EGFLAM: variants seen among roughly 807,000 people sequenced by gnomAD.
EGFLAM encodes pikachurin.
Under a neutral mutation model 113.1 loss-of-function variants are expected in EGFLAM, and 79 were observed. The observed-to-expected ratio is 0.70, with a 90% CI of 0.58 to 0.84. The LOEUF is 0.84. EGFLAM is among the 40% of genes least tolerant of loss of function. EGFLAM has a pLI of 0.00. For synonymous variants in EGFLAM, 504 were observed against 487.6 expected, an observed-to-expected ratio of 1.03 and a Z score of -0.44; for missense variants, 1,265 against 1,291.6, an observed-to-expected ratio of 0.98 and a Z score of 0.32.
chr5:38,261,523 A>T (rs1270328533), intron 1 of EGFLAM, among the ~76,000 whole-genome samples: 1 of 152,142 alleles, frequency 6.6e-6, no homozygotes, highest in African/African-American at 2.4e-5. Flanking sequence ...TAAGCGGTGG[A>T]ATGGAAATTT....
intron 3 of EGFLAM, among the ~76,000 whole-genome samples, chr5:38,339,221 G>T (rs576990082): frequency 1.3e-5 from 2 of 151,510 alleles, no homozygotes; most frequent in African/African-American, 4.9e-5. Flanking sequence ...GGTCCAAATT[G>T]TTTATTTTTT....
At chr5:38,461,557 G>A (rs1288829317) in intron 20 of EGFLAM, among the ~76,000 whole-genome samples, 1 of 151,984 alleles carries the variant, frequency 6.6e-6, no homozygotes, top group African/African-American at 2.4e-5. Context: ...AGCTGTTGCG[G>A]GTTCTGCCTG....
intron 1 of EGFLAM, among the ~76,000 whole-genome samples, chr5:38,264,635 T>A (rs1757587572): frequency 6.6e-6 from 1 of 152,168 alleles, no homozygotes; most frequent in Non-Finnish European, 1.5e-5. Flanking sequence ...AGTTCCTCAC[T>A]TATAGCTCTC....
intron 6 of EGFLAM, among the ~76,000 whole-genome samples, chr5:38,380,676 G>T (rs1270130221): frequency 3.9e-5 from 6 of 152,154 alleles, no homozygotes; most frequent in South Asian, 2.1e-4. Flanking sequence ...TACATTCAGG[G>T]TGTCCTCCAT....
chr5:38,410,841 C>A (rs1405977980), intron 10 of EGFLAM, among the ~76,000 whole-genome samples: 1 of 152,100 alleles, frequency 6.6e-6, no homozygotes, highest in Admixed American at 6.5e-5. Flanking sequence ...AGCCTGAAGA[C>A]CTGGATTTTT....
At chr5:38,434,734 C>A (rs1051023721) in intron 15 of EGFLAM, among the ~76,000 whole-genome samples, 4 of 152,170 alleles carry the variant, frequency 2.6e-5, no homozygotes, top group Non-Finnish European at 4.4e-5. Context: ...AGAAGTGATT[C>A]TTTTCTCTTC....
intron 6 of EGFLAM, among the ~76,000 whole-genome samples, chr5:38,382,969 C>G (rs1462745233): frequency 6.6e-6 from 1 of 152,148 alleles, no homozygotes; most frequent in East Asian, 1.9e-4. Flanking sequence ...CAGGGGCATG[C>G]CAGCCACAGC....
In EGFLAM at chr5:38,409,071, C is replaced by T. The variant is rs1209764585; in HGVS notation, c.1316C>T (p.Ser439Phe). The change falls in exon 10 of 22, where the codon TCC becomes TTC. Residue 439 changes from serine (S) to phenylalanine (F), a missense_variant. Physicochemically the swap from Ser to Phe is radical, Grantham distance 155 (BLOSUM62 -2). Coordinates refer to ENST00000322350, the MANE Select transcript of EGFLAM (RefSeq NM_152403.4). ...ENEHGRGDFM[S>F]LAIIRRSLQF... The stretch of plus-strand genomic sequence containing the variant: ...GAACACGGGAGGGGGGATTTCATGT[C>T]CCTGGCTATCATCCGACGCTCCCTG... 1.3e-6 allele frequency: 2 copies of T among 1,591,476 alleles called. No individual in the cohort carries two copies. The highest frequency in any genetic ancestry group is 1.3e-5 in the African/African-American group (1 of 74,492).
intron 14 of EGFLAM, among the ~76,000 whole-genome samples, chr5:38,427,884 T>G (rs1400704985): frequency 1.3e-5 from 2 of 152,180 alleles, no homozygotes; most frequent in African/African-American, 4.8e-5. Flanking sequence ...TTTGCAGAAT[T>G]GGTGTAAGTA....
chr5:38,403,203 A>G (rs3110231), intron 6 of EGFLAM: 33,312 of 152,384 alleles, frequency 0.22, 4,154 homozygotes, highest in African/African-American at 0.34. Context: ...CCCTCTCCGC[A>G]GGGGATGTGT....
At position 38,455,502 on chromosome 5, in the gene EGFLAM, A is replaced by T. The variant is rs570945195; in HGVS notation, c.2688-2809A>T. Among the ~76,000 whole-genome samples, 20 of 152,308 alleles carry T rather than the reference A, an allele frequency of 1.3e-4. No individual in the cohort carries two copies. The South Asian group carries it at 3.9e-3, about 30-fold the overall frequency. On this transcript the variant is annotated intron_variant, in intron 19 of 21. Transcript: ENST00000322350. ...CTGAATCACTGTCACCCAGAACAAG[A>T]TATAGAACATGTCCACCACCCAAAA...
chr5:38,454,734 G>A (rs1392967003), intron 19 of EGFLAM, among the ~76,000 whole-genome samples: 1 of 152,148 alleles, frequency 6.6e-6, no homozygotes, highest in East Asian at 1.9e-4. Flanking sequence ...CAGGCTCAAA[G>A]CAGATGGAAG....
At chr5:38,285,106 T>C (rs1288701253) in intron 1 of EGFLAM, among the ~76,000 whole-genome samples, 14 of 152,158 alleles carry the variant, frequency 9.2e-5, no homozygotes, top group African/African-American at 3.1e-4. Flanking sequence ...TTCACGTAGA[T>C]TTTATTATAT....
At chr5:38,342,951 C>T (rs2162814) in intron 3 of EGFLAM, among the ~76,000 whole-genome samples, 79,924 of 151,962 alleles carry the variant, frequency 0.53, 22,540 homozygotes, top group Admixed American at 0.62. Context: ...CTGTCCCCGG[C>T]GATGCACCAC....
intron 17 of EGFLAM, chr5:38,445,538 AG>A: frequency 6.4e-7 from 1 of 1,572,428 alleles, no homozygotes; most frequent in Non-Finnish European, 8.6e-7. Context: ...ATTCCCTAAG[AG>A]GACGTTCTGG....
Position 38,436,963 on chromosome 5 carries a change from T to C in EGFLAM, c.2284-1312T>C, listed in dbSNP as rs564835577. Among the ~76,000 whole-genome samples the C allele has an allele frequency of 6.6e-5, 10 of 152,226 alleles. No individual in the cohort carries two copies. The South Asian group carries it at 2.1e-3, about 32-fold the overall frequency. On this transcript the variant is annotated intron_variant, in intron 16 of 21. Coordinates refer to ENST00000322350, the MANE Select transcript of EGFLAM (RefSeq NM_152403.4). ...CTTAGATTCGTGGCAGGAAGTGCCA[T>C]TGCTAACCTCTTATAACCCCTGGGC...
chr5:38,451,165 C>G (rs1048101391), intron 18 of EGFLAM, 150 bp from the exon 19 acceptor site: 17 of 1,031,056 alleles, frequency 1.6e-5, no homozygotes, highest in Non-Finnish European at 2.3e-5. Context: ...CCTTTAGACC[C>G]GTGGTGCGAC....
At chr5:38,427,281 T>A (rs759192504) in intron 14 of EGFLAM, 29 bp downstream of exon 14, 1 of 1,604,238 alleles carries the variant, frequency 6.2e-7, no homozygotes, top group Non-Finnish European at 8.5e-7. Context: ...TGGGACTCTT[T>A]CCCTTAAAAA....
At chr5:38,407,758 G>A (rs1561073743) in intron 8 of EGFLAM, 47 bp from the exon 9 acceptor site, 1 of 1,452,658 alleles carries the variant, frequency 6.9e-7, no homozygotes, top group East Asian at 2.3e-5. Context: ...TGCTTTTGAA[G>A]AAGTGAGGAA....
Sources: gnomAD v4.1 joint callset for allele counts (sites outside exome capture counted in the v4.1 genomes callset) on GRCh38, gnomAD v4.1.1 for gene constraint, MANE v1.5 for transcripts, NCBI Gene and HGNC (gene_info 2026-07-23, HGNC 2026-07-21) for gene names.